The following JMJD1C variants were observed in gnomAD, a reference collection of about 807,000 sequenced individuals.
JMJD1C encodes the protein jumonji domain containing 1C.
In JMJD1C, 31 loss-of-function variants were observed where a neutral mutation model predicts 245.3. The observed-to-expected ratio is 0.13, with a 90% confidence interval of 0.09 to 0.17. JMJD1C has a LOEUF of 0.17. Ranked by LOEUF, JMJD1C falls within the 10% of genes least tolerant of loss-of-function variation. The pLI, the probability that JMJD1C is intolerant of heterozygous loss-of-function variation, is 1.00. For missense variants in JMJD1C, 2,691 were observed against 3,000.2 expected (o/e 0.90, Z 2.41); for synonymous variants, 1,057 against 1,017.4 (o/e 1.04, Z -0.74).
chr10:63,385,477 A>G (rs1947526731), intron 1 of JMJD1C, among the ~76,000 whole-genome samples: 1 of 117,854 alleles, frequency 8.5e-6, no homozygotes, highest in Non-Finnish European at 1.6e-5. Flanking sequence ...TTGCTCTATC[A>G]CCCAGGCTGG....
rs150353735 is a variant in JMJD1C at position 63,480,747 on chromosome 10, T to C, written n.113+40991A>G. ...ACTTATTTTTGCTACATTGCTGTTA[T>C]ATCACTCAGTTAAAAAAAAAATGGA... On this transcript the variant is annotated intron_variant and non_coding_transcript_variant, in intron 1 of 3. Transcript: ENST00000633035. Among the ~76,000 whole-genome samples the C allele has an allele frequency of 4.0e-3, 597 of 148,066 alleles. 4 individuals are homozygous for C. The highest frequency in any genetic ancestry group is 5.9e-3 in the Non-Finnish European group (390 of 65,932).
At chr10:63,305,704 G>T (rs1691018741) in intron 2 of JMJD1C, among the ~76,000 whole-genome samples, 1 of 143,106 alleles carries the variant, frequency 7.0e-6, no homozygotes, top group Admixed American at 7.3e-5. Context: ...TTCTCAAAGG[G>T]ATATTGCTAT....
At position 63,208,703 on chromosome 10, in the gene JMJD1C, T is replaced by C. The variant is rs1375395527; in HGVS notation, c.2966A>G (p.Asp989Gly). ...CACAAAATGCCTATGTAAGTGACAA[T>C]CTTTTCCAGTCTGTGACCTATTTAG... ...LDLNRSQTGK[D>G]CHLHRHFVDP... The change falls in exon 10 of 26, where the codon GAT (aspartate) becomes GGT (glycine). Residue 989 changes from aspartate to glycine, a missense_variant. Asp to Gly is a moderately conservative substitution (Grantham distance 94). Transcript: ENST00000399262. The C allele has an allele frequency of 6.2e-7, 1 of 1,614,114 alleles. No homozygotes were observed. The highest frequency in any genetic ancestry group is 1.1e-5 in the South Asian group (1 of 91,082).
intron 3 of JMJD1C, among the ~76,000 whole-genome samples, chr10:63,258,950 A>T (rs1350550967): frequency 2.0e-5 from 3 of 152,202 alleles, no homozygotes; most frequent in African/African-American, 4.8e-5. Context: ...GTAGGACAAA[A>T]ATAATTACGG....
At chr10:63,239,077 A>C (rs1316291436) in intron 3 of JMJD1C, among the ~76,000 whole-genome samples, 2 of 152,236 alleles carry the variant, frequency 1.3e-5, no homozygotes, top group African/African-American at 4.8e-5. Flanking sequence ...GTTGAGACTC[A>C]AGAAAAGTAT....
chr10:63,200,686 T>C lies in JMJD1C; in HGVS notation c.5075-9A>G. The stretch of plus-strand genomic sequence containing the variant: ...TGAACGAGGAATGCCAGCTGTAAAA[T>C]CAGTAGGAAAGTTTTAGCAAGATTA... On this transcript the variant is annotated splice_polypyrimidine_tract_variant and intron_variant, in intron 10 of 25. Transcript: ENST00000399262. The C allele has an allele frequency of 1.9e-6, 3 of 1,613,122 alleles. No homozygotes were observed. The highest frequency in any genetic ancestry group is 2.5e-6 in the Non-Finnish European group (3 of 1,179,280).
At chr10:63,386,093 GAC>G (rs147951202) in intron 1 of JMJD1C, among the ~76,000 whole-genome samples, 6 of 150,052 alleles carry the variant, frequency 4.0e-5, no homozygotes, top group Non-Finnish European at 3.0e-5. Context: ...CACATACACA[GAC>G]ACACACACAC....
At chr10:63,257,802 A>T (rs1854166000) in intron 3 of JMJD1C, among the ~76,000 whole-genome samples, 1 of 152,238 alleles carries the variant, frequency 6.6e-6, no homozygotes, top group Non-Finnish European at 1.5e-5. Context: ...AGTCACAATG[A>T]AATCTTACCT....
chr10:63,500,732 G>T (rs1954522064), intron 1 of JMJD1C, among the ~76,000 whole-genome samples: 1 of 148,074 alleles, frequency 6.8e-6, no homozygotes, highest in Admixed American at 6.7e-5. Flanking sequence ...TCGATGGATG[G>T]ATGGATGGAT....
chr10:63,168,656 C>A (rs1355719216), intron 24 of JMJD1C, 90 bp from the exon 25 acceptor site: 7 of 1,166,942 alleles, frequency 6.0e-6, no homozygotes, highest in Non-Finnish European at 8.0e-6. Context: ...ACACAAGAGA[C>A]AATTCTGCTG....
chr10:63,224,467 G>A (rs1056373913), intron 3 of JMJD1C, among the ~76,000 whole-genome samples: 11 of 151,990 alleles, frequency 7.2e-5, no homozygotes, highest in Admixed American at 4.6e-4. Context: ...CCTCCCCCTC[G>A]TCTACATATA....
At chr10:63,221,611 C>T (rs1389154951) in intron 3 of JMJD1C, among the ~76,000 whole-genome samples, 1 of 152,226 alleles carries the variant, frequency 6.6e-6, no homozygotes, top group Non-Finnish European at 1.5e-5. Context: ...TCTCTTTTCT[C>T]TGCACCCCCT....
rs1421790404 is a variant in JMJD1C at position 63,305,458 on chromosome 10, C to CCCTCTCTCT, written c.334-40703_334-40695dup. Among the ~76,000 whole-genome samples the CCCTCTCTCT allele has an allele frequency of 3.8e-4, 26 of 69,128 alleles. 1 individual carries two copies. The highest frequency in any genetic ancestry group is 1.7e-3 in the African/African-American group (26 of 15,260). 45.4% of individuals were successfully genotyped at this position (69,128 alleles called of 152,430 possible). The stretch of plus-strand genomic sequence containing the variant: ...TGGATGACATGGCAAGACGCTCTGA[C>CCCTCTCTCT]CCTCTCTCTCTCTCTCTCTCTCTCT... On this transcript the variant is annotated intron_variant, in intron 2 of 25. Transcript: ENST00000399262.
rs1848701945 is a variant in JMJD1C, at chr10:63,222,372, C to T, written c.448-2389G>A. 2.9e-6 allele frequency: 3 copies of T among 1,018,850 alleles called. No individual in the cohort carries two copies. In the Admixed American group the frequency reaches 5.1e-5, roughly 17 times the overall value. 63.1% of individuals were successfully genotyped at this position (1,018,850 alleles called of 1,614,324 possible). A position where few individuals can be genotyped will look rare whatever the true frequency, so the allele number is the denominator to read the frequency against. ...CAAACAAATCATATGTTTTTCAGTACAGCTGGATGTCATCCTACAAGATGT... is the reference window on the plus strand; with the variant it reads ...CAAACAAATCATATGTTTTTCAGTATAGCTGGATGTCATCCTACAAGATGT... On this transcript the variant is annotated intron_variant, in intron 3 of 25. Coordinates refer to ENST00000399262, the MANE Select transcript of JMJD1C (RefSeq NM_032776.3).
At chr10:63,521,652 G>A (rs1326884636) in intron 1 of JMJD1C, 1 of 1,145,892 alleles carries the variant, frequency 8.7e-7, no homozygotes. Flanking sequence ...GAGCCGAGAG[G>A]AAAGGGAAGG....
chr10:63,224,162 C>T (rs1848971455), intron 3 of JMJD1C, among the ~76,000 whole-genome samples: 1 of 152,106 alleles, frequency 6.6e-6, no homozygotes, highest in African/African-American at 2.4e-5. Context: ...AATAGCATAC[C>T]ATTAAAAACT....
Position 63,176,461 on chromosome 10 carries a change from G to T in JMJD1C, c.7237C>A (p.Gln2413Lys). 1 of 1,611,802 alleles carries T rather than the reference G, an allele frequency of 6.2e-7. No individual in the cohort carries two copies. The highest frequency in any genetic ancestry group is 1.1e-5 in the South Asian group (1 of 90,952). Residue 2413 changes from glutamine (Q) to lysine (K), a missense_variant, in exon 24 of 26, where the codon CAA (glutamine) becomes AAA (lysine). Physicochemically the swap from Gln to Lys is moderately conservative, Grantham distance 53. Transcript: ENST00000399262. ...TGTTCTGGTAGAACTTCAAGGCCTT[G>T]TTCTTTTGAAATCTGAAATATGAAT... ...REFLQKISKE[Q>K]GLEVLPEHDP... is the part of the protein sequence containing the mutation.
chr10:63,312,038 T>C (rs1939277465), intron 2 of JMJD1C, among the ~76,000 whole-genome samples: 1 of 151,706 alleles, frequency 6.6e-6, no homozygotes. Context: ...GTAAACAAAA[T>C]TCTTCATAGT....
At chr10:63,447,560 C>T (rs1160346341) in intron 1 of JMJD1C, among the ~76,000 whole-genome samples, 1 of 152,114 alleles carries the variant, frequency 6.6e-6, no homozygotes, top group African/African-American at 2.4e-5. Context: ...TTCACATCTG[C>T]TGGGTACTCT....
Sources: gnomAD v4.1 joint callset for allele counts (sites outside exome capture counted in the v4.1 genomes callset) on GRCh38, gnomAD v4.1.1 for gene constraint, MANE v1.5 for transcripts, NCBI Gene and HGNC (gene_info 2026-07-23, HGNC 2026-07-21) for gene names.